Variants in UBR1 observed in about 807,000 individuals in gnomAD.
UBR1 encodes ubiquitin protein ligase E3 component n-recognin 1.
UBR1 carries 102 observed loss-of-function variants against 242.1 expected under a neutral mutation model. The ratio of observed to expected loss-of-function variants is 0.42; its 90% CI spans 0.36 to 0.50. The LOEUF (loss-of-function observed/expected upper bound fraction) is 0.50. Ranked by LOEUF, UBR1 falls within the 20% of genes least tolerant of loss-of-function variation. UBR1 has a pLI of 0.01. For missense variants in UBR1, 1,772 were observed against 2,101.8 expected, an observed-to-expected ratio of 0.84 and a Z score of 3.07; for synonymous variants, 675 against 684.8, an observed-to-expected ratio of 0.99 and a Z score of 0.22.
chr15:43,004,500 T>C (rs1358583113), intron 30 of UBR1, among the ~76,000 whole-genome samples: 1 of 152,228 alleles, frequency 6.6e-6, no homozygotes, highest in Non-Finnish European at 1.5e-5. Context: ...TGCCTCAGCC[T>C]GCAGAGTGCC....
intron 14 of UBR1, among the ~76,000 whole-genome samples, chr15:43,044,912 G>C (rs917983180): frequency 6.6e-6 from 1 of 151,596 alleles, no homozygotes; most frequent in Non-Finnish European, 1.5e-5. Flanking sequence ...AAAAAAGAAA[G>C]AAAGAAATTC....
intron 32 of UBR1, among the ~76,000 whole-genome samples, chr15:42,999,624 T>G (rs1203305572): frequency 6.6e-6 from 1 of 152,036 alleles, no homozygotes; most frequent in Non-Finnish European, 1.5e-5. Context: ...GCCCAGGAGT[T>G]AGAGAACAGC....
chr15:43,016,988 A>T, intron 28 of UBR1, 107 bp downstream of exon 28: 1 of 788,356 alleles, frequency 1.3e-6, no homozygotes, highest in Non-Finnish European at 2.2e-6. Context: ...TATACTTCAC[A>T]ATCAACAGGT....
intron 1 of UBR1, among the ~76,000 whole-genome samples, chr15:43,096,726 GA>G (rs1307402290): frequency 3.9e-5 from 6 of 152,186 alleles, no homozygotes; most frequent in Admixed American, 3.9e-4. Context: ...TGCTCATCCA[GA>G]AGAAACAATT....
intron 11 of UBR1, among the ~76,000 whole-genome samples, chr15:43,055,938 G>T (rs1039604740): frequency 6.6e-6 from 1 of 151,970 alleles, no homozygotes; most frequent in African/African-American, 2.4e-5. Context: ...ACAAAGAAAA[G>T]AAGTGGTATA....
At chr15:42,963,841 A>C in intron 42 of UBR1, 94 bp downstream of exon 42, 1 of 965,448 alleles carries the variant, frequency 1.0e-6, no homozygotes, top group Non-Finnish European at 1.6e-6. Context: ...CCCTTTAATC[A>C]GTGCTGATTG....
At chr15:42,950,529 A>G in intron 45 of UBR1, 166 bp from the exon 46 acceptor site, 1 of 641,352 alleles carries the variant, frequency 1.6e-6, no homozygotes, top group Non-Finnish European at 2.8e-6. Context: ...GTCTAAATAA[A>G]AGAGAACACT....
chr15:43,044,437 G>A (rs533513639), intron 14 of UBR1, among the ~76,000 whole-genome samples: 1 of 152,260 alleles, frequency 6.6e-6, no homozygotes, highest in East Asian at 1.9e-4. Flanking sequence ...TTGAGATAAG[G>A]AAGAATCAAA....
intron 32 of UBR1, among the ~76,000 whole-genome samples, chr15:43,000,961 G>C (rs1012883569): frequency 2.6e-5 from 4 of 151,976 alleles, no homozygotes; most frequent in African/African-American, 9.7e-5. Context: ...AGCCTCCTGA[G>C]TAGCTGGGAT....
chr15:42,986,620 C>T (rs910483465), intron 35 of UBR1, among the ~76,000 whole-genome samples: 3 of 152,236 alleles, frequency 2.0e-5, no homozygotes, highest in African/African-American at 7.2e-5. Context: ...ATAAACCTCA[C>T]CTTTCCTATA....
intron 1 of UBR1, among the ~76,000 whole-genome samples, chr15:43,086,660 G>GA (rs377395505): frequency 2.6e-5 from 4 of 152,080 alleles, no homozygotes; most frequent in African/African-American, 7.2e-5. Flanking sequence ...ACCATAAAAG[G>GA]AAAAAAACTA....
chr15:43,077,168 G>C (rs1023412712), intron 3 of UBR1, among the ~76,000 whole-genome samples: 3 of 150,910 alleles, frequency 2.0e-5, no homozygotes, highest in African/African-American at 7.3e-5. Flanking sequence ...CGGCTCATTG[G>C]GGATGGGCCA....
chr15:43,036,067 C>T (rs1393760947), intron 19 of UBR1, 111 bp downstream of exon 19: 1 of 968,450 alleles, frequency 1.0e-6, no homozygotes, highest in East Asian at 2.7e-5. Context: ...TACCCTAAAA[C>T]TTAAAGTATA....
intron 29 of UBR1, 42 bp from the exon 30 acceptor site, chr15:43,007,326 T>A (rs1037893052): frequency 6.3e-7 from 1 of 1,577,506 alleles, no homozygotes; most frequent in African/African-American, 1.3e-5. Context: ...CATGTTTTGG[T>A]CACTTGTCTT....
chr15:43,084,749 G>A (rs565166582), intron 2 of UBR1, among the ~76,000 whole-genome samples: 1 of 152,296 alleles, frequency 6.6e-6, no homozygotes, highest in South Asian at 2.1e-4. Context: ...ACAGCGCCTG[G>A]CCAAGGCTAT....
intron 25 of UBR1, among the ~76,000 whole-genome samples, 164 bp downstream of exon 25, chr15:43,024,665 C>T (rs936423638): frequency 3.3e-5 from 5 of 152,082 alleles, no homozygotes; most frequent in Admixed American, 1.3e-4. Context: ...GCTAAAAACA[C>T]GAGATCACTA....
At position 42,966,134 on chromosome 15, in the gene UBR1, AT is replaced by A; in HGVS notation, c.4591+18del. On this transcript the variant is annotated intron_variant, in intron 41 of 46. Transcript: ENST00000290650. ...AAAATCTCCCATTTTCCACTCCATG[AT>A]TTCATTTTTCTACTTACTGGTATGC... 2 of 1,614,084 alleles carry A rather than the reference AT, an allele frequency of 1.2e-6. No homozygotes were observed. Among genetic ancestry groups the A allele is most frequent in the South Asian group, 2.2e-5 (2 of 91,072 alleles).
In UBR1 at chr15:43,105,904, G is replaced by C. The variant is rs555573481; in HGVS notation, c.81+38C>G. 7.0e-5 allele frequency: 112 copies of C among 1,591,824 alleles called. No individual in the cohort carries two copies. The South Asian group carries it at 1.1e-3, about 16-fold the overall frequency. On this transcript the variant is annotated intron_variant, in intron 1 of 46. Transcript: ENST00000290650. ...CTCCTAAGCGCAGTAGGGAGGGACCGGGGGGAGGACAAAAGAGACTTGCCT... is the reference window on the plus strand; with the variant it reads ...CTCCTAAGCGCAGTAGGGAGGGACCCGGGGGAGGACAAAAGAGACTTGCCT...
At chr15:43,026,287 C>A in intron 23 of UBR1, 2 of 323,922 alleles carry the variant, frequency 6.2e-6, no homozygotes, top group Non-Finnish European at 1.1e-5. Context: ...AGAAACATGA[C>A]AATCAAATGA....
Sources: allele counts gnomAD v4.1 joint callset (sites outside exome capture counted in the v4.1 genomes callset), GRCh38; gene constraint gnomAD v4.1.1; transcripts MANE v1.5; gene names NCBI Gene and HGNC (gene_info 2026-07-23, HGNC 2026-07-21).